The following SLIT3 variants were observed in gnomAD, a reference collection of about 807,000 sequenced individuals.
SLIT3 encodes slit guidance ligand 3.
A neutral mutation model predicts 184.0 loss-of-function variants in SLIT3; 68 were observed. The observed-to-expected ratio is 0.37, with a 90% CI of 0.30 to 0.45. The LOEUF (loss-of-function observed/expected upper bound fraction) is 0.45. Ranked by LOEUF, SLIT3 falls within the 20% of genes least tolerant of loss-of-function variation. SLIT3 has a pLI of 1.00. For missense variants in SLIT3, 1,707 were observed against 2,026.0 expected (o/e 0.84, Z 3.02); for synonymous variants, 831 against 828.6 (o/e 1.00, Z -0.05).
At chr5:168,704,161 A>G (rs779171020) in intron 26 of SLIT3, among the ~76,000 whole-genome samples, 3 of 152,128 alleles carry the variant, frequency 2.0e-5, no homozygotes, top group Non-Finnish European at 4.4e-5. Context: ...TTGCATTTTA[A>G]TAAGCTCTCC....
rs1047789554 is a variant in SLIT3 at position 168,947,507 on chromosome 5, GA to G, written c.414-64172del. ...GTGGCCCAAAAAGGAGGCATAGGAA[GA>G]AAAAAAACAGGCTGGGGTGGTGGGC... On this transcript the variant is annotated intron_variant, in intron 4 of 35. Transcript: ENST00000519560. Among the ~76,000 whole-genome samples the G allele has an allele frequency of 3.3e-5, 5 of 152,126 alleles. No individual in the cohort carries two copies. In the East Asian group the frequency reaches 9.7e-4, roughly 29 times the overall value.
intron 4 of SLIT3, among the ~76,000 whole-genome samples, chr5:169,129,169 C>T (rs1761194676): frequency 6.6e-6 from 1 of 152,186 alleles, no homozygotes; most frequent in African/African-American, 2.4e-5. Flanking sequence ...TGTGTTTTTG[C>T]ACCAGGAGAG....
intron 3 of SLIT3, among the ~76,000 whole-genome samples, chr5:169,240,013 TGATATG>T (rs1765340145): frequency 6.6e-6 from 1 of 152,092 alleles, no homozygotes; most frequent in Admixed American, 6.5e-5. Context: ...ATTTCCACTG[TGATATG>T]TTCTTCAACT....
intron 5 of SLIT3, among the ~76,000 whole-genome samples, chr5:168,866,789 G>A (rs964478189): frequency 6.6e-6 from 1 of 152,102 alleles, no homozygotes; most frequent in Non-Finnish European, 1.5e-5. Context: ...AACCCCACTG[G>A]GTTGTTACAG....
Position 168,748,452 on chromosome 5 carries a change from G to C in SLIT3, c.2138-18C>G. The C allele has an allele frequency of 6.6e-7, 1 of 1,514,162 alleles. No homozygotes were observed. Among genetic ancestry groups the C allele is most frequent in the Non-Finnish European group, 8.7e-7 (1 of 1,146,392 alleles). The allele number at this position is 1,514,162 out of a possible 1,614,324, so 93.8% of individuals were successfully genotyped here. A position where few individuals can be genotyped will look rare whatever the true frequency, so the allele number is the denominator to read the frequency against. ...CTCGTTGCCTGTGGAGAGCCCCAGA[G>C]AGGGTGAGGGTTGTGGGAGATAAGC... is the stretch of plus-strand genomic sequence containing the variant. On this transcript the variant is annotated intron_variant, in intron 19 of 35. Coordinates refer to ENST00000519560, the MANE Select transcript of SLIT3 (RefSeq NM_003062.4).
chr5:169,124,770 T>C (rs771829417), intron 4 of SLIT3, among the ~76,000 whole-genome samples: 2 of 152,222 alleles, frequency 1.3e-5, no homozygotes, highest in Non-Finnish European at 2.9e-5. Context: ...TTTCTATTCT[T>C]CTTTTTAAAA....
chr5:169,236,055 T>C (rs1299507209), intron 3 of SLIT3, among the ~76,000 whole-genome samples: 2 of 152,244 alleles, frequency 1.3e-5, no homozygotes, highest in Admixed American at 6.5e-5. Context: ...GCAGAGAACC[T>C]ACACAACAAA....
At chr5:169,152,024 T>C (rs1029568799) in intron 4 of SLIT3, among the ~76,000 whole-genome samples, 5 of 152,190 alleles carry the variant, frequency 3.3e-5, no homozygotes, top group African/African-American at 9.6e-5. Context: ...GAGATCTCAA[T>C]ACTTGCTGTT....
chr5:168,784,820 T>C lies in SLIT3; in HGVS notation c.1151+1087A>G, dbSNP rs1164255425. 3.3e-5 allele frequency among the ~76,000 whole-genome samples: 5 copies of C among 151,704 alleles called. No individual in the cohort carries two copies. In the East Asian group the frequency reaches 9.7e-4, roughly 29 times the overall value. ...GAACTTTACGTAGGAGGTGGGGAGGTGCCAGGCCTCTTCCTCACTGCCTGT... is the reference window on the plus strand; with the variant it reads ...GAACTTTACGTAGGAGGTGGGGAGGCGCCAGGCCTCTTCCTCACTGCCTGT... On this transcript the variant is annotated intron_variant, in intron 12 of 35. Transcript: ENST00000519560.
chr5:168,916,572 C>T (rs1377562357), intron 4 of SLIT3, among the ~76,000 whole-genome samples: 4 of 152,236 alleles, frequency 2.6e-5, no homozygotes, highest in African/African-American at 9.6e-5. Flanking sequence ...CAGTCATAAA[C>T]ATCAGCCCTA....
rs1040638499 is a variant in SLIT3 at position 168,701,590 on chromosome 5, G to A, written c.2845-911C>T. ...AAGGCAGCCCCAAGGTGGAGACTGA[G>A]CTCCATGAGACCCACTGTCCCAGGG... On this transcript the variant is annotated intron_variant, in intron 26 of 35. Coordinates refer to ENST00000519560, the MANE Select transcript of SLIT3 (RefSeq NM_003062.4). Among the ~76,000 whole-genome samples the A allele has an allele frequency of 7.2e-5, 11 of 152,342 alleles. No homozygotes were observed. The South Asian group carries it at 1.0e-3, about 14-fold the overall frequency.
At chr5:168,985,436 G>A (rs1755090172) in intron 4 of SLIT3, among the ~76,000 whole-genome samples, 1 of 152,178 alleles carries the variant, frequency 6.6e-6, no homozygotes, top group Admixed American at 6.5e-5. Context: ...GGGAGTCTGT[G>A]TCCTGGTGAT....
rs150832756 is a variant in SLIT3, at chr5:168,793,985, C to T, written c.1007+1522G>A. On this transcript the variant is annotated intron_variant, in intron 10 of 35. Transcript: ENST00000519560. Reference sequence around the variant, plus strand: ...TTGGTTTCCACTTCTGGAATTGCACCAGAAGAAAAGCTTGTTTGGTTTGGA... The same window carrying T: ...TTGGTTTCCACTTCTGGAATTGCACTAGAAGAAAAGCTTGTTTGGTTTGGA... Among the ~76,000 whole-genome samples, 4 of 152,314 alleles carry T rather than the reference C, an allele frequency of 2.6e-5. No homozygotes were observed. In the East Asian group the frequency reaches 7.7e-4, roughly 29 times the overall value.
At chr5:168,764,249 T>G (rs931825513) in intron 14 of SLIT3, among the ~76,000 whole-genome samples, 1 of 152,252 alleles carries the variant, frequency 6.6e-6, no homozygotes, top group Non-Finnish European at 1.5e-5. Context: ...TAGCTAGCAG[T>G]AACAGTGGCC....
intron 3 of SLIT3, among the ~76,000 whole-genome samples, chr5:169,195,864 T>A (rs914779447): frequency 3.3e-5 from 5 of 152,118 alleles, no homozygotes; most frequent in African/African-American, 1.2e-4. Context: ...TTTTTATTTT[T>A]AAAAAATTGC....
chr5:168,893,252 GT>G (rs1469875770), intron 4 of SLIT3, among the ~76,000 whole-genome samples: 1 of 152,144 alleles, frequency 6.6e-6, no homozygotes, highest in Admixed American at 6.5e-5. Flanking sequence ...GGAGACTGGC[GT>G]TTTGTTTATC....
chr5:168,996,212 C>T (rs149898998), intron 4 of SLIT3, among the ~76,000 whole-genome samples: 1 of 152,148 alleles, frequency 6.6e-6, no homozygotes, highest in Admixed American at 6.5e-5. Flanking sequence ...GGAGAACAAA[C>T]AGAGAGGCAT....
chr5:168,980,536 G>C (rs1388600862), intron 4 of SLIT3, among the ~76,000 whole-genome samples: 1 of 152,158 alleles, frequency 6.6e-6, no homozygotes, highest in African/African-American at 2.4e-5. Flanking sequence ...TAGGATCAAG[G>C]CCTGTCTTTC....
intron 4 of SLIT3, among the ~76,000 whole-genome samples, chr5:168,980,007 C>T (rs1754896528): frequency 1.3e-5 from 2 of 152,052 alleles, no homozygotes; most frequent in Admixed American, 1.3e-4. Flanking sequence ...TCCCTCAGCT[C>T]CTGGGATTTC....
Sources: gnomAD v4.1 joint callset for allele counts (sites outside exome capture counted in the v4.1 genomes callset) on GRCh38, gnomAD v4.1.1 for gene constraint, MANE v1.5 for transcripts, NCBI Gene and HGNC (gene_info 2026-07-23, HGNC 2026-07-21) for gene names.